NAPA: variants seen among roughly 807,000 people sequenced by gnomAD.
The protein encoded by NAPA is NSF attachment protein alpha.
NAPA carries 18 observed loss-of-function variants against 48.0 expected under a neutral mutation model. The ratio of observed to expected loss-of-function variants is 0.38; its 90% confidence interval spans 0.26 to 0.56. The LOEUF (loss-of-function observed/expected upper bound fraction) is 0.56, where lower values mean the gene tolerates loss of function less well. Among genes scored for constraint, NAPA ranks in the 20% least tolerant of loss-of-function variants. NAPA has a pLI of 0.77. For synonymous variants in NAPA, 152 were observed against 149.9 expected (o/e 1.01, Z -0.10); for missense variants, 315 against 385.0 (o/e 0.82, Z 1.52).
At chr19:47,495,745 G>A (rs1054466040) in intron 3 of NAPA, 149 bp from the exon 4 acceptor site, 8 of 713,488 alleles carry the variant, frequency 1.1e-5, no homozygotes, top group Middle Eastern at 7.7e-4. Flanking sequence ...ACACTCTCAA[G>A]GGGCTGGGAA....
chr19:47,492,207 G>A (rs982121860), intron 7 of NAPA, 88 bp from the exon 8 acceptor site: 1 of 1,199,322 alleles, frequency 8.3e-7, no homozygotes, highest in African/African-American at 1.5e-5. Flanking sequence ...GGCCAGCTGG[G>A]AGCTGGTTCA....
intron 1 of NAPA, among the ~76,000 whole-genome samples, chr19:47,511,321 G>A (rs1968801250): frequency 6.6e-6 from 1 of 152,182 alleles, no homozygotes; most frequent in Admixed American, 6.5e-5. Flanking sequence ...CTGGCCTCTG[G>A]CTGTGCTCCC....
chr19:47,496,688 G>A (rs1024607856), intron 3 of NAPA: 9 of 287,038 alleles, frequency 3.1e-5, no homozygotes, highest in South Asian at 8.7e-5. Flanking sequence ...AAGAAGCGCC[G>A]GGGCTGGGCT....
chr19:47,495,405 C>T lies in NAPA; in HGVS notation c.342+145G>A, dbSNP rs1968394739. On this transcript the variant is annotated intron_variant, in intron 4 of 10. Coordinates refer to ENST00000263354, the MANE Select transcript of NAPA (RefSeq NM_003827.4). ...AGCCAGCCCAGGCCAGCTCAGGTGA[C>T]CTAATCCCCCCAGCTCCCACTTCCC... 10 of 902,222 alleles carry T rather than the reference C, an allele frequency of 1.1e-5. No individual in the cohort carries two copies. The South Asian group carries it at 1.5e-4, about 13-fold the overall frequency. 55.9% of individuals were successfully genotyped at this position (902,222 alleles called of 1,614,324 possible). A position where few individuals can be genotyped will look rare whatever the true frequency, so the allele number is the denominator to read the frequency against.
chr19:47,493,603 TATG>T lies in NAPA; in HGVS notation c.343-113_343-111del. The T allele has an allele frequency of 1.1e-6, 1 of 889,550 alleles. No individual in the cohort carries two copies. The highest frequency in any genetic ancestry group is 1.9e-6 in the Non-Finnish European group (1 of 538,308). The allele number at this position is 889,550 out of a possible 1,614,324, so 55.1% of individuals were successfully genotyped here. A position where few individuals can be genotyped will look rare whatever the true frequency, so the allele number is the denominator to read the frequency against. On this transcript the variant is annotated intron_variant, in intron 4 of 10. Coordinates refer to ENST00000263354, the MANE Select transcript of NAPA (RefSeq NM_003827.4). This position sits in a 1 kb window ranked among gnomAD's most constrained non-coding sequence, Gnocchi z 6.4. ...CCCCTCAGCCACGCCTGTGAGGAGG[TATG>T]AAGAAGACCTGAGGTGTGAAGAAGA... is the stretch of plus-strand genomic sequence containing the variant.
intron 1 of NAPA, among the ~76,000 whole-genome samples, chr19:47,513,813 C>G (rs1242812577): frequency 6.6e-6 from 1 of 151,186 alleles, no homozygotes; most frequent in Admixed American, 6.6e-5. Context: ...AGCCTCAACC[C>G]AGGCCTCCTC....
Position 47,500,156 on chromosome 19 carries a change from TTCTC to T in NAPA, c.295+473_295+476del, listed in dbSNP as rs149136686. Among the ~76,000 whole-genome samples, 847 of 152,316 alleles carry T rather than the reference TTCTC, an allele frequency of 5.6e-3. 9 individuals are homozygous for T. Among genetic ancestry groups the T allele is most frequent in the African/African-American group, 0.019 (799 of 41,572 alleles). Reference sequence around the variant, plus strand: ...TCTGGCAACTACATCTCGGGCTCTGTTCTCTCTAATTCCTCCCCAGGATGTAGGG... The same window carrying T: ...TCTGGCAACTACATCTCGGGCTCTGTTCTAATTCCTCCCCAGGATGTAGGG... On this transcript the variant is annotated intron_variant, in intron 3 of 10. Transcript: ENST00000263354.
chr19:47,501,970 C>T (rs1231994608), intron 2 of NAPA, among the ~76,000 whole-genome samples: 1 of 151,890 alleles, frequency 6.6e-6, no homozygotes, highest in African/African-American at 2.4e-5. Context: ...CGGCCAGGCG[C>T]GGTGGCTCAT....
chr19:47,488,504 G>A (rs533345793), intron 10 of NAPA, 115 bp from the exon 11 acceptor site: 4 of 776,850 alleles, frequency 5.1e-6, no homozygotes, highest in Non-Finnish European at 8.3e-6. Context: ...TGGTCTCTGA[G>A]GAGGAGTAGA....
At chr19:47,494,392 C>G (rs1291594190) in intron 4 of NAPA, among the ~76,000 whole-genome samples, 3 of 152,100 alleles carry the variant, frequency 2.0e-5, no homozygotes, top group Non-Finnish European at 2.9e-5. Context: ...GGGTAGGGCT[C>G]GTGTCCCTGC....
In NAPA at chr19:47,488,195, TG is replaced by T; in HGVS notation, c.*92del. The stretch of plus-strand genomic sequence containing the variant: ...ACTGTGGCCCGCGGCACTCCCCAGA[TG>T]GGAAAGGAGGGAAGCTCTCCAGCAA... On this transcript the variant is annotated 3_prime_UTR_variant, in exon 11 of 11. Coordinates refer to ENST00000263354, the MANE Select transcript of NAPA (RefSeq NM_003827.4). The T allele has an allele frequency of 8.0e-7, 1 of 1,254,768 alleles. No individual in the cohort carries two copies. Among genetic ancestry groups the T allele is most frequent in the Admixed American group, 1.8e-5 (1 of 54,380 alleles). 77.7% of individuals were successfully genotyped at this position (1,254,768 alleles called of 1,614,324 possible). A position where few individuals can be genotyped will look rare whatever the true frequency, so the allele number is the denominator to read the frequency against.
intron 1 of NAPA, among the ~76,000 whole-genome samples, chr19:47,513,262 T>A (rs892835499): frequency 6.6e-6 from 1 of 152,296 alleles, no homozygotes; most frequent in South Asian, 2.1e-4. Context: ...TGTTTCTCAG[T>A]CTCTCCCTCT....
At chr19:47,511,624 G>A (rs1000165342) in intron 1 of NAPA, among the ~76,000 whole-genome samples, 5 of 152,222 alleles carry the variant, frequency 3.3e-5, no homozygotes, top group Non-Finnish European at 5.9e-5. Flanking sequence ...CAGCAAAGGG[G>A]CTAAGTGAGA....
At chr19:47,511,872 T>C (rs890625087) in intron 1 of NAPA, among the ~76,000 whole-genome samples, 5 of 152,178 alleles carry the variant, frequency 3.3e-5, no homozygotes, top group Admixed American at 2.0e-4. Context: ...AACAGCCTCC[T>C]GCTGTCACTC....
intron 3 of NAPA, 35 bp downstream of exon 3, chr19:47,500,598 G>T: frequency 1.9e-6 from 3 of 1,552,640 alleles, no homozygotes; most frequent in Non-Finnish European, 2.6e-6. Flanking sequence ...TGGCGCTCCG[G>T]ACAGCCAGCC....
rs1410843692 is a variant in NAPA at position 47,488,398 on chromosome 19, A to G, written c.787-9T>C. The G allele has an allele frequency of 3.1e-6, 5 of 1,596,282 alleles. No homozygotes were observed. The highest frequency in any genetic ancestry group is 4.3e-6 in the Non-Finnish European group (5 of 1,164,604). On this transcript the variant is annotated splice_polypyrimidine_tract_variant and intron_variant, in intron 10 of 10. Transcript: ENST00000263354. ...GAGTCGTATTCCTTCACCTGAGGGC[A>G]CACCAGGTGATAGGCTGGCCATGCT...
chr19:47,492,484 C>T, intron 7 of NAPA: 1 of 391,948 alleles, frequency 2.6e-6, no homozygotes, highest in Non-Finnish European at 4.8e-6. Context: ...GAGGCGGCGC[C>T]CGCCCCTCTC....
chr19:47,513,151 C>A (rs1363210583), intron 1 of NAPA, among the ~76,000 whole-genome samples: 2 of 152,174 alleles, frequency 1.3e-5, no homozygotes, highest in Admixed American at 1.3e-4. Flanking sequence ...CTGCCAAACT[C>A]CCTTCTCCTT....
At position 47,506,025 on chromosome 19, in the gene NAPA, T is replaced by TTCGC. The variant is rs945118093; in HGVS notation, c.99-2527_99-2524dup. On this transcript the variant is annotated intron_variant, in intron 1 of 10. Coordinates refer to ENST00000263354, the MANE Select transcript of NAPA (RefSeq NM_003827.4). This position sits in a 1 kb window ranked among gnomAD's most constrained non-coding sequence, Gnocchi z 4.0. Reference sequence around the variant, plus strand: ...TTTTTTTTTTTTTTTGAGATGGAGTTTCGCTCTTGTCGCCCAGGCTGGAGT... The same window carrying TTCGC: ...TTTTTTTTTTTTTTTGAGATGGAGTTTCGCTCGCTCTTGTCGCCCAGGCTGGAGT... Among the ~76,000 whole-genome samples the TTCGC allele has an allele frequency of 1.1e-4, 16 of 149,808 alleles. No homozygotes were observed. The highest frequency in any genetic ancestry group is 1.9e-4 in the Non-Finnish European group (13 of 67,322).
Sources: gnomAD v4.1 joint callset for allele counts (sites outside exome capture counted in the v4.1 genomes callset) on GRCh38, gnomAD v4.1.1 for gene constraint, Gnocchi (gnomAD v3.1) non-coding constraint, MANE v1.5 for transcripts, NCBI Gene and HGNC (gene_info 2026-07-23, HGNC 2026-07-21) for gene names.